CADPS2: variants seen among roughly 807,000 people sequenced by gnomAD.
CADPS2 encodes calcium-dependent secretion activator 2.
A neutral mutation model predicts 172.5 loss-of-function variants in CADPS2; 93 were observed. That is an observed-to-expected ratio of 0.54 (90% CI 0.46 to 0.64). The LOEUF is 0.64. CADPS2 is among the 30% of genes least tolerant of loss of function. The probability of loss-of-function intolerance (pLI) is 0.00; values close to 1 mark genes in which losing one functional copy is unlikely to be tolerated. For synonymous variants in CADPS2, 546 were observed against 555.2 expected, an observed-to-expected ratio of 0.98 and a Z score of 0.23; for missense variants, 1,420 against 1,565.9, an observed-to-expected ratio of 0.91 and a Z score of 1.57.
intron 2 of CADPS2, among the ~76,000 whole-genome samples, chr7:122,715,084 T>C (rs2136871229): frequency 6.6e-6 from 1 of 152,274 alleles, no homozygotes; most frequent in South Asian, 2.1e-4. Flanking sequence ...TCTGTTGTTT[T>C]AAACAATTCC....
At chr7:122,608,393 T>C (rs2073869051) in intron 6 of CADPS2, among the ~76,000 whole-genome samples, 1 of 152,210 alleles carries the variant, frequency 6.6e-6, no homozygotes, top group Non-Finnish European at 1.5e-5. Context: ...TCTTGGTTTA[T>C]ATGCAGTCTG....
chr7:122,770,263 T>A (rs1044166223), intron 1 of CADPS2, among the ~76,000 whole-genome samples: 2 of 152,082 alleles, frequency 1.3e-5, no homozygotes, highest in Non-Finnish European at 2.9e-5. Flanking sequence ...CCACCCTATA[T>A]CATGCAAATC....
chr7:122,789,126 T>C (rs1794711745), intron 1 of CADPS2, among the ~76,000 whole-genome samples: 1 of 152,066 alleles, frequency 6.6e-6, no homozygotes, highest in Non-Finnish European at 1.5e-5. Flanking sequence ...GTGCACTGAT[T>C]ACCCCTAGGA....
In CADPS2 at chr7:122,393,129, G is replaced by A. The variant is rs1754223496; in HGVS notation, c.3008+67C>T. ...AATGCCATGCAGTCTAAACACATCT[G>A]CGCAGAACACAGCCCAGGCCATGCA... On this transcript the variant is annotated intron_variant, in intron 22 of 29. Coordinates refer to ENST00000449022, the MANE Select transcript of CADPS2 (RefSeq NM_017954.11). 5.7e-6 allele frequency: 9 copies of A among 1,573,836 alleles called. No individual in the cohort carries two copies. In the African/African-American group the frequency reaches 9.5e-5, roughly 17 times the overall value.
At chr7:122,540,127 A>G (rs1441611027) in intron 8 of CADPS2, among the ~76,000 whole-genome samples, 1 of 152,120 alleles carries the variant, frequency 6.6e-6, no homozygotes, top group African/African-American at 2.4e-5. Context: ...CTGAATCATG[A>G]CTACATTACA....
At chr7:122,735,499 CTTTTT>C (rs1231690779) in intron 2 of CADPS2, among the ~76,000 whole-genome samples, 1 of 152,048 alleles carries the variant, frequency 6.6e-6, no homozygotes, top group Non-Finnish European at 1.5e-5. Flanking sequence ...GCTTGTGTGC[CTTTTT>C]TTCAATCTGT....
intron 22 of CADPS2, among the ~76,000 whole-genome samples, chr7:122,391,827 C>A (rs1328706483): frequency 1.3e-5 from 2 of 152,050 alleles, no homozygotes; most frequent in Admixed American, 6.6e-5. Context: ...AGAAAAGTAG[C>A]AAGTTCTTAA....
At position 122,393,498 on chromosome 7, in the gene CADPS2, G is replaced by A; in HGVS notation, c.2831C>T (p.Ser944Phe). 6.2e-7 allele frequency: 1 copy of A among 1,613,904 alleles called. No individual in the cohort carries two copies. Among genetic ancestry groups the A allele is most frequent in the Non-Finnish European group, 8.5e-7 (1 of 1,179,848 alleles). Residue 944 changes from serine (S) to phenylalanine (F), a missense_variant, in exon 21 of 30, where the codon TCT (serine) becomes TTT (phenylalanine). Transcript: ENST00000449022. ...LVVRYVDLME[S>F]SIAQSIHRGF... ...TCTGTGAATTGACTGGGCGATGGAA[G>A]ACTCCATGAGATCCACATAGCGGAC...
intron 1 of CADPS2, among the ~76,000 whole-genome samples, chr7:122,822,210 C>T (rs1165116537): frequency 6.6e-6 from 1 of 151,648 alleles, no homozygotes; most frequent in Non-Finnish European, 1.5e-5. Context: ...AATCAGATAT[C>T]CTGAGTCGTC....
intron 8 of CADPS2, among the ~76,000 whole-genome samples, chr7:122,515,722 G>A (rs1471769478): frequency 1.3e-5 from 2 of 151,978 alleles, no homozygotes; most frequent in African/African-American, 4.8e-5. Flanking sequence ...TGACAGTGAA[G>A]GTCCTGCATA....
In CADPS2 at chr7:122,885,927, C is replaced by T. The variant is rs922378037; in HGVS notation, c.339+72G>A. The T allele has an allele frequency of 3.4e-6, 5 of 1,487,522 alleles. No individual in the cohort carries two copies. In the African/African-American group the frequency reaches 6.9e-5, roughly 21 times the overall value. The allele number at this position is 1,487,522 out of a possible 1,614,324, so 92.1% of individuals were successfully genotyped here. A position where few individuals can be genotyped will look rare whatever the true frequency, so the allele number is the denominator to read the frequency against. On this transcript the variant is annotated intron_variant, in intron 1 of 29. Coordinates refer to ENST00000449022, the MANE Select transcript of CADPS2 (RefSeq NM_017954.11). ...CTGCGTTTCGCAGAAGGACGGGAGG[C>T]GTCCCAGAGCTCTCCCGGGAGAAAA...
intron 25 of CADPS2, among the ~76,000 whole-genome samples, chr7:122,374,848 GTA>G (rs1223270070): frequency 6.6e-6 from 1 of 152,166 alleles, no homozygotes; most frequent in Admixed American, 6.5e-5. Context: ...TTCTGCACAT[GTA>G]TCCCAGAACT....
chr7:122,647,199 GTTCT>G (rs1187204449), intron 3 of CADPS2, among the ~76,000 whole-genome samples: 1 of 148,738 alleles, frequency 6.7e-6, no homozygotes, highest in Non-Finnish European at 1.5e-5. Flanking sequence ...CAGTGAACTT[GTTCT>G]TTTTTACTAC....
At chr7:122,389,705 A>G (rs1164073775) in intron 22 of CADPS2, among the ~76,000 whole-genome samples, 1 of 152,074 alleles carries the variant, frequency 6.6e-6, no homozygotes, top group Non-Finnish European at 1.5e-5. Context: ...AAAAGCAAAA[A>G]AAAGCTGCTG....
At chr7:122,698,256 C>A in intron 2 of CADPS2, 1 of 1,613,944 alleles carries the variant, frequency 6.2e-7, no homozygotes, top group Non-Finnish European at 8.5e-7. Flanking sequence ...GCTGCCATCT[C>A]CGGTTCTGAA....
chr7:122,416,775 G>C (rs192856086), intron 17 of CADPS2, among the ~76,000 whole-genome samples: 2 of 152,190 alleles, frequency 1.3e-5, no homozygotes, highest in Non-Finnish European at 2.9e-5. Flanking sequence ...GAAGCTGAAG[G>C]TTCTTTCTGC....
chr7:122,845,692 G>A (rs556683603), intron 1 of CADPS2, among the ~76,000 whole-genome samples: 24 of 152,290 alleles, frequency 1.6e-4, no homozygotes, highest in Admixed American at 1.2e-3. Flanking sequence ...CACATGCACA[G>A]GGGAGAGTCT....
chr7:122,431,611 T>G (rs2151896025), intron 17 of CADPS2, among the ~76,000 whole-genome samples: 1 of 152,276 alleles, frequency 6.6e-6, no homozygotes, highest in South Asian at 2.1e-4. Flanking sequence ...AACCTCCCAC[T>G]TACTAGCTAT....
At chr7:122,607,760 T>C (rs1412793293) in intron 6 of CADPS2, among the ~76,000 whole-genome samples, 1 of 152,162 alleles carries the variant, frequency 6.6e-6, no homozygotes, top group Admixed American at 6.6e-5. Context: ...CTTATCTCTT[T>C]AGGCTTCATT....
Sources: allele counts gnomAD v4.1 joint callset (sites outside exome capture counted in the v4.1 genomes callset), GRCh38; gene constraint gnomAD v4.1.1; transcripts MANE v1.5; gene names NCBI Gene and HGNC (gene_info 2026-07-23, HGNC 2026-07-21).